The following RIMBP2 variants were observed in gnomAD, a reference collection of about 807,000 sequenced individuals.
The protein encoded by RIMBP2 is RIMS-binding protein 2.
Under a neutral mutation model 118.6 loss-of-function variants are expected in RIMBP2, and 48 were observed. That is an observed-to-expected ratio of 0.40 (90% confidence interval 0.32 to 0.51). The LOEUF is 0.51. RIMBP2 is among the 20% of genes least tolerant of loss of function. The pLI, the probability that RIMBP2 is intolerant of heterozygous loss-of-function variation, is 0.41. For missense variants in RIMBP2, 1,551 were observed against 1,768.3 expected (o/e 0.88, Z 2.20); for synonymous variants, 762 against 742.9 (o/e 1.03, Z -0.42).
rs555834170 is a variant in RIMBP2 at position 130,500,191 on chromosome 12, G to A, written c.-4+6457C>T. Among the ~76,000 whole-genome samples, 387 of 152,298 alleles carry A rather than the reference G, an allele frequency of 2.5e-3. 2 individuals carry two copies. The highest frequency in any genetic ancestry group is 0.01 in the Middle Eastern group (3 of 294). The stretch of plus-strand genomic sequence containing the variant: ...AAGAACCATGTGGGCTGGATGCAGT[G>A]GCTCATACTTGTAATCCCAGCACTT... On this transcript the variant is annotated intron_variant, in intron 4 of 22. Transcript: ENST00000690449.
chr12:130,664,245 G>T (rs922433582), intron 1 of RIMBP2, among the ~76,000 whole-genome samples: 2 of 151,666 alleles, frequency 1.3e-5, no homozygotes, highest in Non-Finnish European at 2.9e-5. Context: ...GGAGGGAGTT[G>T]AAATACAGAA....
At chr12:130,521,354 A>T (rs7967432) in intron 2 of RIMBP2, among the ~76,000 whole-genome samples, 85,124 of 152,078 alleles carry the variant, frequency 0.56, 25,067 homozygotes, top group East Asian at 0.71. Flanking sequence ...GCAACACAAC[A>T]AAACGAGAGT....
At chr12:130,682,860 A>G (rs994034244) in intron 1 of RIMBP2, among the ~76,000 whole-genome samples, 2 of 152,254 alleles carry the variant, frequency 1.3e-5, no homozygotes, top group African/African-American at 4.8e-5. Flanking sequence ...GAAATTTCTA[A>G]TAAGATTGTT....
intron 10 of RIMBP2, among the ~76,000 whole-genome samples, chr12:130,444,713 G>C (rs1318370238): frequency 6.6e-6 from 1 of 152,336 alleles, no homozygotes; most frequent in East Asian, 1.9e-4. Context: ...TGAAGTCAAG[G>C]AGATGGATGG....
chr12:130,668,717 C>T (rs1377775800), intron 1 of RIMBP2, among the ~76,000 whole-genome samples: 2 of 152,264 alleles, frequency 1.3e-5, no homozygotes, highest in South Asian at 2.1e-4. Context: ...GCTGCATGGC[C>T]GGCTCTCCCC....
chr12:130,644,218 C>T (rs2062748898), intron 1 of RIMBP2, among the ~76,000 whole-genome samples: 1 of 152,150 alleles, frequency 6.6e-6, no homozygotes, highest in Non-Finnish European at 1.5e-5. Context: ...AGGCCTCGAA[C>T]TCACTCACAC....
intron 4 of RIMBP2, among the ~76,000 whole-genome samples, chr12:130,500,663 C>T (rs759603931): frequency 5.9e-4 from 90 of 152,178 alleles, no homozygotes; most frequent in Admixed American, 2.7e-3. Flanking sequence ...TCAGACAGGC[C>T]CTGAATGCAC....
In RIMBP2 at chr12:130,424,587, G is replaced by A. The variant is rs1416144021; in HGVS notation, c.2684C>T (p.Pro895Leu). The change falls in exon 16 of 23, where the codon CCC becomes CTC. Residue 895 changes from proline to leucine, a missense_variant. Transcript: ENST00000690449. This position sits in a 1 kb window ranked among gnomAD's most constrained non-coding sequence, Gnocchi z 9.8. ...PVKHRGSGAVPHVEDFLLEDR... is the reference protein window; with the variant it reads ...PVKHRGSGAVLHVEDFLLEDR... Reference sequence around the variant, plus strand: ...TTCCAGAAGGAAGTCCTCCACGTGGGGGACGGCCCCCGAGCCCCTGTGCTT... The same window carrying A: ...TTCCAGAAGGAAGTCCTCCACGTGGAGGACGGCCCCCGAGCCCCTGTGCTT... 2.4e-6 allele frequency: 3 copies of A among 1,231,848 alleles called. No homozygotes were observed. The highest frequency in any genetic ancestry group is 3.0e-6 in the Non-Finnish European group (3 of 987,864). 76.3% of individuals were successfully genotyped at this position (1,231,848 alleles called of 1,614,324 possible).
At chr12:130,693,875 G>A (rs768329998) in intron 1 of RIMBP2, among the ~76,000 whole-genome samples, 3 of 152,188 alleles carry the variant, frequency 2.0e-5, no homozygotes, top group Admixed American at 6.5e-5. Flanking sequence ...GAATGCAGGT[G>A]TGCTGGCTGG....
intron 3 of RIMBP2, among the ~76,000 whole-genome samples, chr12:130,514,544 T>A (rs1274041891): frequency 6.6e-6 from 1 of 152,146 alleles, no homozygotes; most frequent in South Asian, 2.1e-4. Context: ...CCTCTCCAGG[T>A]GCAGGAGCCC....
At chr12:130,559,853 T>C (rs1009864786) in intron 2 of RIMBP2, among the ~76,000 whole-genome samples, 1 of 152,234 alleles carries the variant, frequency 6.6e-6, no homozygotes, top group Non-Finnish European at 1.5e-5. Flanking sequence ...AGCAAGCTAC[T>C]TGACTGCTCA....
intron 1 of RIMBP2, among the ~76,000 whole-genome samples, chr12:130,644,533 C>A (rs903213553): frequency 1.8e-4 from 28 of 152,220 alleles, no homozygotes; most frequent in African/African-American, 6.0e-4. Context: ...AGTATCCTTA[C>A]TTCGAGGAGC....
At chr12:130,512,049 C>T (rs372314015) in intron 3 of RIMBP2, among the ~76,000 whole-genome samples, 23 of 152,282 alleles carry the variant, frequency 1.5e-4, no homozygotes, top group East Asian at 1.2e-3. Context: ...ATTCAGCAGC[C>T]GCTGATCCCA....
chr12:130,634,402 A>G (rs1440392407), intron 1 of RIMBP2, among the ~76,000 whole-genome samples: 1 of 152,142 alleles, frequency 6.6e-6, no homozygotes, highest in Non-Finnish European at 1.5e-5. Flanking sequence ...TCTATGCCCT[A>G]TCTCACACAC....
chr12:130,477,849 A>G (rs2081574279), intron 5 of RIMBP2, among the ~76,000 whole-genome samples: 1 of 152,206 alleles, frequency 6.6e-6, no homozygotes, highest in South Asian at 2.1e-4. Context: ...GGCCCATCCC[A>G]GCCAGCACCG....
chr12:130,713,247 A>AAGGAAGGAAGGAAGAT (rs1566477242), intron 1 of RIMBP2, among the ~76,000 whole-genome samples: 15 of 147,866 alleles, frequency 1.0e-4, no homozygotes, highest in African/African-American at 3.6e-4. Flanking sequence ...GGAAGGAAGG[A>AAGGAAGGAAGGAAGAT]AGGAAGGAAG....
chr12:130,709,669 T>G (rs546512588), intron 1 of RIMBP2, among the ~76,000 whole-genome samples: 1 of 152,244 alleles, frequency 6.6e-6, no homozygotes, highest in East Asian at 1.9e-4. Context: ...TGATGGGGTG[T>G]GTTCCTGCTC....
At chr12:130,465,707 G>C (rs2080403785) in intron 6 of RIMBP2, 1 of 152,204 alleles carries the variant, frequency 6.6e-6, no homozygotes, top group Non-Finnish European at 1.5e-5. Context: ...TCAAGAGCCT[G>C]GGGTAAAGCG....
At chr12:130,651,730 C>T (rs2063239851) in intron 1 of RIMBP2, among the ~76,000 whole-genome samples, 1 of 152,248 alleles carries the variant, frequency 6.6e-6, no homozygotes, top group African/African-American at 2.4e-5. Context: ...TAGTGATGCA[C>T]ATTCATGAAT....
Sources: allele counts gnomAD v4.1 joint callset (sites outside exome capture counted in the v4.1 genomes callset), GRCh38; gene constraint gnomAD v4.1.1; non-coding constraint Gnocchi (gnomAD v3.1); transcripts MANE v1.5; gene names NCBI Gene and HGNC (gene_info 2026-07-23, HGNC 2026-07-21).